ZYG11A: variants seen among roughly 807,000 people sequenced by gnomAD.
ZYG11A encodes protein zyg-11 homolog A.
Under a neutral mutation model 77.2 loss-of-function variants are expected in ZYG11A, and 62 were observed. The observed-to-expected ratio is 0.80, with a 90% CI of 0.65 to 0.99. ZYG11A has a LOEUF of 0.99. ZYG11A is among the 50% of genes least tolerant of loss of function. The pLI is 0.00. For missense variants in ZYG11A, 828 were observed against 896.8 expected (o/e 0.92, Z 0.98); for synonymous variants, 315 against 324.6 (o/e 0.97, Z 0.32).
At chr1:52,869,921 A>C (rs1234707106) in intron 8 of ZYG11A, among the ~76,000 whole-genome samples, 27 of 48,900 alleles carry the variant, frequency 5.5e-4, no homozygotes, top group Non-Finnish European at 9.0e-4. Context: ...GACCCCCCCC[A>C]CACCTCCCTC....
rs565774109 is a variant in ZYG11A at position 52,842,905 on chromosome 1, G to C, written c.22G>C (p.Gly8Arg). Reference protein sequence around the residue: MVHFLHPGHTPRNIVPPD... With the variant: MVHFLHPRHTPRNIVPPD... ...TGCCATGGTTCATTTCTTGCACCCG[G>C]GCCACACGCCCCGGAACATCGTCCC... The change falls in exon 1 of 14, where the codon GGC (glycine) becomes CGC (arginine). Residue 8 changes from glycine to arginine, a missense_variant. Gly to Arg is a moderately radical substitution (Grantham distance 125). Transcript: ENST00000371528. 31 of 1,531,240 alleles carry C rather than the reference G, an allele frequency of 2.0e-5. No homozygotes were observed. The highest frequency in any genetic ancestry group is 1.2e-4 in the Admixed American group (6 of 48,620). The allele number at this position is 1,531,240 out of a possible 1,614,324, so 94.9% of individuals were successfully genotyped here.
rs1277181634 is a variant in ZYG11A, at chr1:52,894,389, T to C, written c.*1432T>C. On this transcript the variant is annotated 3_prime_UTR_variant, in exon 14 of 14. Coordinates refer to ENST00000371528, the MANE Select transcript of ZYG11A (RefSeq NM_001004339.3). The stretch of plus-strand genomic sequence containing the variant: ...ATGCTGACTAAAGAAAACATGGGCT[T>C]TTCTGAAACCAGCTTCAACTACAGT... The C allele has an allele frequency of 6.6e-6, 1 of 152,186 alleles. No homozygotes were observed. The highest frequency in any genetic ancestry group is 2.4e-5 in the African/African-American group (1 of 41,456). The allele number at this position is 152,186 out of a possible 1,614,324, so 9.4% of individuals were successfully genotyped here. A position where few individuals can be genotyped will look rare whatever the true frequency, so the allele number is the denominator to read the frequency against.
At position 52,866,527 on chromosome 1, in the gene ZYG11A, T is replaced by G; in HGVS notation, c.1351T>G (p.Leu451Val). ...GTTACAGAAGAATTGTCTTCTCTCC[T>G]TAACCAATTCCAGGATTCTTGTGGA... is the stretch of plus-strand genomic sequence containing the variant. ...QQLQKNCLLS[L>V]TNSRILVDVP... Residue 451 changes from leucine (L) to valine (V), a missense_variant, in exon 6 of 14, where the codon TTA (leucine) becomes GTA (valine). By Grantham distance (32) the Leu-to-Val change is conservative. Transcript: ENST00000371528. The G allele has an allele frequency of 6.5e-7, 1 of 1,540,084 alleles. No homozygotes were observed. Among genetic ancestry groups the G allele is most frequent in the Non-Finnish European group, 8.8e-7 (1 of 1,136,824 alleles).
At chr1:52,844,434 ATTTC>A (rs1645523816) in intron 1 of ZYG11A, among the ~76,000 whole-genome samples, 1 of 152,116 alleles carries the variant, frequency 6.6e-6, no homozygotes, top group Non-Finnish European at 1.5e-5. Flanking sequence ...TCGAAACAAG[ATTTC>A]TTTACAAAAG....
At chr1:52,858,673 C>T (rs985670351) in intron 3 of ZYG11A, among the ~76,000 whole-genome samples, 2 of 149,662 alleles carry the variant, frequency 1.3e-5, no homozygotes, top group Admixed American at 1.3e-4. Flanking sequence ...AGTGCAATGG[C>T]GCAATCTCGG....
intron 10 of ZYG11A, among the ~76,000 whole-genome samples, chr1:52,879,310 T>C (rs1646320813): frequency 6.6e-6 from 1 of 152,186 alleles, no homozygotes; most frequent in African/African-American, 2.4e-5. Flanking sequence ...CAAACAGGTA[T>C]CTGATTTACA....
intron 10 of ZYG11A, 106 bp downstream of exon 10, chr1:52,878,075 T>TA (rs1314278195): frequency 2.5e-5 from 22 of 893,290 alleles, no homozygotes; most frequent in Middle Eastern, 6.6e-4. Context: ...TTTACATGTA[T>TA]AAACTCATTT....
chr1:52,858,531 C>T (rs1645861752), intron 3 of ZYG11A, among the ~76,000 whole-genome samples: 2 of 151,394 alleles, frequency 1.3e-5, no homozygotes, highest in South Asian at 2.1e-4. Flanking sequence ...TCTCGAACTC[C>T]TAACCTCAGG....
At chr1:52,890,249 GTTTTTTTTTTT>G (rs908467307) in intron 13 of ZYG11A, among the ~76,000 whole-genome samples, 2 of 71,670 alleles carry the variant, frequency 2.8e-5, no homozygotes, top group African/African-American at 1.2e-4. Context: ...TTTTCTTTTA[GTTTTTTTTTTT>G]TTTTTTTTTT....
At chr1:52,882,856 AT>A (rs1198596011) in intron 11 of ZYG11A, among the ~76,000 whole-genome samples, 4 of 150,980 alleles carry the variant, frequency 2.6e-5, no homozygotes, top group African/African-American at 9.7e-5. Context: ...TTTTTTGTTA[AT>A]TTTTTTCTTC....
intron 3 of ZYG11A, among the ~76,000 whole-genome samples, chr1:52,859,755 G>C (rs1432477170): frequency 7.8e-6 from 1 of 127,644 alleles, no homozygotes; most frequent in Non-Finnish European, 1.6e-5. Flanking sequence ...TCGGCTCACT[G>C]CAACCTCTGC....
intron 1 of ZYG11A, among the ~76,000 whole-genome samples, chr1:52,843,706 G>A (rs1008653945): frequency 6.4e-5 from 2 of 31,474 alleles, no homozygotes; most frequent in African/African-American, 1.0e-4. Flanking sequence ...TTTTTTTTTT[G>A]AGACGGAGTC....
chr1:52,843,842 A>G (rs1645507359), intron 1 of ZYG11A, among the ~76,000 whole-genome samples: 1 of 151,854 alleles, frequency 6.6e-6, no homozygotes. Context: ...GCGTGCCACC[A>G]TGCCCGACTC....
intron 5 of ZYG11A, among the ~76,000 whole-genome samples, chr1:52,865,860 C>T (rs1166968148): frequency 6.7e-6 from 1 of 149,980 alleles, no homozygotes; most frequent in Non-Finnish European, 1.5e-5. Flanking sequence ...AGTATTATAT[C>T]TTGATTGTAG....
In ZYG11A at chr1:52,881,502, C is replaced by T. The variant is rs1198997015; in HGVS notation, c.1781C>T (p.Ser594Phe). ...ATAGCAGAAGTCAGAGAGCTCTCTT[C>T]CAAGCTGGTGACCGAAGATGTGCTG... Reference protein sequence around the residue: ...NNIAEVRELSSKLVTEDVLKH... With the variant: ...NNIAEVRELSFKLVTEDVLKH... The change falls in exon 11 of 14, where the codon TCC (serine) becomes TTC (phenylalanine). Residue 594 changes from serine to phenylalanine, a missense_variant. Ser to Phe is a radical substitution (Grantham distance 155). Coordinates refer to ENST00000371528, the MANE Select transcript of ZYG11A (RefSeq NM_001004339.3). 2 of 1,551,430 alleles carry T rather than the reference C, an allele frequency of 1.3e-6. No individual in the cohort carries two copies. Among genetic ancestry groups the T allele is most frequent in the Admixed American group, 2.0e-5 (1 of 50,966 alleles).
intron 1 of ZYG11A, among the ~76,000 whole-genome samples, chr1:52,847,384 C>G (rs523371): frequency 1 from 151,896 of 152,136 alleles, 75,829 homozygotes; most frequent in Middle Eastern, 1. Context: ...ATTTTTAGTA[C>G]AGACAGGGTT....
intron 13 of ZYG11A, among the ~76,000 whole-genome samples, chr1:52,888,646 C>T (rs1646487884): frequency 6.6e-6 from 1 of 152,196 alleles, no homozygotes; most frequent in South Asian, 2.1e-4. Flanking sequence ...GCATGAGACA[C>T]TGCATCTGGC....
Position 52,854,623 on chromosome 1 carries a change from T to C in ZYG11A, c.249T>C (p.Thr83=), listed in dbSNP as rs1450448932. The C allele has an allele frequency of 1.3e-6, 2 of 1,536,780 alleles. No individual in the cohort carries two copies. The highest frequency in any genetic ancestry group is 1.8e-6 in the Non-Finnish European group (2 of 1,136,194). Residue 83 remains threonine, a synonymous_variant, in exon 2 of 14, where the codon ACT becomes ACC. Transcript: ENST00000371528. ...CCGAGCGATTTCTCAGGGTGATGAC[T>C]TGGCAAGGTAGTGATAAGGCTTCTC... ...EVAERFLRVM[T]WQGKLTDRTA...
intron 5 of ZYG11A, among the ~76,000 whole-genome samples, chr1:52,864,790 G>A (rs543706554): frequency 1.1e-4 from 16 of 150,428 alleles, no homozygotes; most frequent in Non-Finnish European, 2.4e-4. Context: ...GACTACAGGC[G>A]CTCGCCACCA....
Sources: allele counts gnomAD v4.1 joint callset (sites outside exome capture counted in the v4.1 genomes callset), GRCh38; gene constraint gnomAD v4.1.1; transcripts MANE v1.5; gene names NCBI Gene and HGNC (gene_info 2026-07-23, HGNC 2026-07-21).